The following SNX13 variants were observed in gnomAD, a reference collection of about 807,000 sequenced individuals.
The protein encoded by SNX13 is sorting nexin-13.
SNX13 carries 45 observed loss-of-function variants against 133.6 expected under a neutral mutation model. That is an observed-to-expected ratio of 0.34 (90% CI 0.27 to 0.43). The LOEUF (loss-of-function observed/expected upper bound fraction) is 0.43. Ranked by LOEUF, SNX13 falls within the 20% of genes least tolerant of loss-of-function variation. SNX13 has a pLI of 1.00. For missense variants in SNX13, 1,032 were observed against 1,145.1 expected (o/e 0.90, Z 1.43); for synonymous variants, 414 against 373.9 (o/e 1.11, Z -1.24).
intron 20 of SNX13, among the ~76,000 whole-genome samples, chr7:17,805,250 T>TGTGTGCGCGCGCGC: frequency 2.5e-4 from 24 of 95,596 alleles, no homozygotes; most frequent in Admixed American, 1.5e-3. Flanking sequence ...TGTGTGTGTG[T>TGTGTGCGCGCGCGC]GCGTGCGCGC....
At chr7:17,930,079 G>GA (rs1457558233) in intron 1 of SNX13, among the ~76,000 whole-genome samples, 1 of 33,354 alleles carries the variant, frequency 3.0e-5, no homozygotes, top group Non-Finnish European at 8.3e-5. Context: ...TAAAGAATAA[G>GA]AAAAAGAATA....
chr7:17,793,014 T>C lies in SNX13; in HGVS notation c.*1031A>G, dbSNP rs1783703258. On this transcript the variant is annotated 3_prime_UTR_variant, in exon 26 of 26. Coordinates refer to ENST00000428135, the MANE Select transcript of SNX13 (RefSeq NM_015132.5). ...TTTTTTCATCATTTATTTTCATATA[T>C]GTACACTGTCATAGAATTAGGAATC... 1 of 152,324 alleles carries C rather than the reference T, an allele frequency of 6.6e-6. No homozygotes were observed. The allele number at this position is 152,324 out of a possible 1,614,324, so 9.4% of individuals were successfully genotyped here.
intron 9 of SNX13, among the ~76,000 whole-genome samples, chr7:17,856,201 TTTTC>T (rs530843853): frequency 5.9e-4 from 90 of 152,368 alleles, no homozygotes; most frequent in African/African-American, 2.0e-3. Context: ...TTCTTTACAA[TTTTC>T]TTTGTTTCTT....
At chr7:17,911,037 T>C (rs552474522) in intron 1 of SNX13, among the ~76,000 whole-genome samples, 18 of 152,340 alleles carry the variant, frequency 1.2e-4, no homozygotes, top group African/African-American at 3.1e-4. Flanking sequence ...TAATTTTACA[T>C]TATGTCAATG....
chr7:17,890,395 A>G lies in SNX13; in HGVS notation c.408T>C (p.Thr136=), dbSNP rs755394443. ...DESFLLEIRQ[T]LQNALIQFAT... ...CAAACTGAATGAGTGCGTTTTGAAGAGTCTGCCTAATTTCAAGAAGAAAAG... is the reference window on the plus strand; with the variant it reads ...CAAACTGAATGAGTGCGTTTTGAAGGGTCTGCCTAATTTCAAGAAGAAAAG... Residue 136 remains threonine, a synonymous_variant, in exon 5 of 26, where the codon ACT becomes ACC. Transcript: ENST00000428135. 1.2e-6 allele frequency: 2 copies of G among 1,611,466 alleles called. No individual in the cohort carries two copies. The highest frequency in any genetic ancestry group is 2.2e-5 in the South Asian group (2 of 90,806).
At chr7:17,940,140 T>C (rs1802656354) in intron 1 of SNX13, 144 bp downstream of exon 1, 4 of 1,094,050 alleles carry the variant, frequency 3.7e-6, no homozygotes, top group East Asian at 2.6e-5. Context: ...CTGAGGGCAC[T>C]TGTAGGATCC....
chr7:17,850,436 CTAAAAGCAAAGAA>C lies in SNX13; in HGVS notation c.977-14_977-2del. ...ATTTGATTTTTGATAGTGTTGATAT[CTAAAAGCAAAGAA>C]ATCATGAACTAGAAAGTGGTAGTGT... is the stretch of plus-strand genomic sequence containing the variant. On this transcript the variant is annotated splice_acceptor_variant and splice_polypyrimidine_tract_variant and intron_variant, in intron 10 of 25. Transcript: ENST00000428135. LOFTEE classifies it high-confidence loss of function. 2 of 1,535,850 alleles carry C rather than the reference CTAAAAGCAAAGAA, an allele frequency of 1.3e-6. No homozygotes were observed. The highest frequency in any genetic ancestry group is 1.8e-6 in the Non-Finnish European group (2 of 1,133,842).
intron 8 of SNX13, among the ~76,000 whole-genome samples, 185 bp from the exon 9 acceptor site, chr7:17,868,675 C>G (rs1490725814): frequency 6.6e-6 from 1 of 151,998 alleles, no homozygotes; most frequent in South Asian, 2.1e-4. Context: ...AAATGAGATA[C>G]AGTTACCTGT....
At chr7:17,886,706 T>C (rs1024506022) in intron 5 of SNX13, among the ~76,000 whole-genome samples, 4 of 152,332 alleles carry the variant, frequency 2.6e-5, no homozygotes, top group Non-Finnish European at 5.9e-5. Context: ...TTGCTTGTTA[T>C]AGTTTCTACT....
chr7:17,931,301 T>C (rs1801366209), intron 1 of SNX13, among the ~76,000 whole-genome samples: 1 of 152,182 alleles, frequency 6.6e-6, no homozygotes, highest in Non-Finnish European at 1.5e-5. Flanking sequence ...ATATTACAGC[T>C]TGGAGAAACA....
At chr7:17,815,076 A>C (rs2128297806) in intron 19 of SNX13, 132 bp from the exon 20 acceptor site, 1 of 963,048 alleles carries the variant, frequency 1.0e-6, no homozygotes, top group South Asian at 2.8e-5. Flanking sequence ...ATTTTTAAAA[A>C]CCCAATTATA....
At chr7:17,890,915 A>C (rs1299174277) in intron 4 of SNX13, among the ~76,000 whole-genome samples, 1 of 151,966 alleles carries the variant, frequency 6.6e-6, no homozygotes, top group Non-Finnish European at 1.5e-5. Context: ...GATCCATTGC[A>C]GTCTAATTAT....
intron 20 of SNX13, among the ~76,000 whole-genome samples, chr7:17,804,918 A>G (rs1237652437): frequency 6.6e-6 from 1 of 152,206 alleles, no homozygotes; most frequent in African/African-American, 2.4e-5. Context: ...CATAGCTTCC[A>G]TCAAGAAAAA....
rs1458778540 is a variant in SNX13, at chr7:17,891,638, T to G, written c.229-3A>C. On this transcript the variant is annotated splice_polypyrimidine_tract_variant and splice_region_variant and intron_variant, in intron 3 of 25. Transcript: ENST00000428135. ...TCCCGTTTCATTTCTTCTAAGCACT[T>G]AAAGGAAATCAAAATATCTTACTGA... 3.7e-6 allele frequency: 6 copies of G among 1,606,282 alleles called. No individual in the cohort carries two copies. In the Admixed American group the frequency reaches 1.0e-4, roughly 27 times the overall value.
In SNX13 at chr7:17,928,341, T is replaced by G. The variant is rs545088369; in HGVS notation, c.12+11943A>C. Among the ~76,000 whole-genome samples the G allele has an allele frequency of 2.0e-5, 3 of 152,252 alleles. No homozygotes were observed. In the South Asian group the frequency reaches 6.2e-4, roughly 32 times the overall value. ...AAGACCCCATCTCTAAAAAAATATA[T>G]ATATTAAGTGCTTACAGTTGGCTAG... On this transcript the variant is annotated intron_variant, in intron 1 of 25. Coordinates refer to ENST00000428135, the MANE Select transcript of SNX13 (RefSeq NM_015132.5).
chr7:17,935,791 T>A (rs1435622517), intron 1 of SNX13, among the ~76,000 whole-genome samples: 2 of 152,206 alleles, frequency 1.3e-5, no homozygotes, highest in Non-Finnish European at 2.9e-5. Context: ...CACCTCTGAA[T>A]GCCAGTGGAC....
intron 1 of SNX13, among the ~76,000 whole-genome samples, chr7:17,932,513 G>A (rs1485320597): frequency 1.3e-5 from 2 of 152,204 alleles, no homozygotes; most frequent in East Asian, 1.9e-4. Flanking sequence ...TTTTCTTGAG[G>A]AAATATTCAA....
At chr7:17,914,205 G>GA (rs35093211) in intron 1 of SNX13, among the ~76,000 whole-genome samples, 64,334 of 143,796 alleles carry the variant, frequency 0.45, 14,359 homozygotes, top group South Asian at 0.66. Context: ...GGAAATGGGA[G>GA]AAAAAAAAAA....
At chr7:17,890,146 G>A (rs1583643078) in intron 5 of SNX13, 1 of 379,768 alleles carries the variant, frequency 2.6e-6, no homozygotes, top group Non-Finnish European at 4.6e-6. Context: ...TAGAAAGCAG[G>A]GCTTAATCAA....
Sources: gnomAD v4.1 joint callset for allele counts (sites outside exome capture counted in the v4.1 genomes callset) on GRCh38, gnomAD v4.1.1 for gene constraint, MANE v1.5 for transcripts, NCBI Gene and HGNC (gene_info 2026-07-23, HGNC 2026-07-21) for gene names.